Variants in EML6 observed in about 807,000 individuals in gnomAD.
The protein encoded by EML6 is EMAP like 6, also known as echinoderm microtubule-associated protein-like 6.
Under a neutral mutation model 240.1 loss-of-function variants are expected in EML6, and 154 were observed. The ratio of observed to expected loss-of-function variants is 0.64; its 90% CI spans 0.56 to 0.73. The LOEUF (loss-of-function observed/expected upper bound fraction) is 0.73, where lower values mean the gene tolerates loss of function less well. Ranked by LOEUF, EML6 falls within the 30% of genes least tolerant of loss-of-function variation. The probability of loss-of-function intolerance (pLI) is 0.00; values close to 1 mark genes in which losing one functional copy is unlikely to be tolerated. For synonymous variants in EML6, 1,148 were observed against 899.0 expected, an observed-to-expected ratio of 1.28 and a Z score of -4.95; for missense variants, 2,964 against 2,474.6, an observed-to-expected ratio of 1.20 and a Z score of -4.20.
intron 12 of EML6, among the ~76,000 whole-genome samples, chr2:54,862,949 A>G (rs1397257831): frequency 6.6e-6 from 1 of 152,228 alleles, no homozygotes; most frequent in African/African-American, 2.4e-5. Flanking sequence ...CTGCAGGGGA[A>G]CAGGGTAACC....
intron 32 of EML6, among the ~76,000 whole-genome samples, chr2:54,954,566 A>G (rs896768035): frequency 1.3e-5 from 2 of 152,170 alleles, no homozygotes; most frequent in Non-Finnish European, 2.9e-5. Flanking sequence ...ATTTTAGGAA[A>G]TGGGATCATG....
intron 2 of EML6, among the ~76,000 whole-genome samples, chr2:54,786,702 A>T (rs368827061): frequency 1.3e-5 from 2 of 152,244 alleles, no homozygotes; most frequent in African/African-American, 4.8e-5. Flanking sequence ...AATGGAGCAA[A>T]CAATTAGAAT....
intron 24 of EML6, among the ~76,000 whole-genome samples, 194 bp downstream of exon 24, chr2:54,903,696 C>G (rs966266314): frequency 6.6e-6 from 1 of 152,172 alleles, no homozygotes; most frequent in African/African-American, 2.4e-5. Flanking sequence ...CATCTTTTTA[C>G]GCTTAGGATG....
intron 2 of EML6, among the ~76,000 whole-genome samples, chr2:54,803,792 A>G (rs1275148188): frequency 1.3e-5 from 2 of 152,194 alleles, no homozygotes; most frequent in African/African-American, 4.8e-5. Context: ...TTTTGAAACA[A>G]TTGAAATTCT....
intron 12 of EML6, 111 bp downstream of exon 12, chr2:54,859,812 A>C: frequency 1.2e-6 from 1 of 822,570 alleles, no homozygotes; most frequent in Non-Finnish European, 1.8e-6. Context: ...TGGAAAATTG[A>C]TTCCTGTAAT....
Position 54,829,342 on chromosome 2 carries a change from G to A in EML6, c.712G>A (p.Ala238Thr). 1 of 1,551,404 alleles carries A rather than the reference G, an allele frequency of 6.4e-7. No homozygotes were observed. The highest frequency in any genetic ancestry group is 8.7e-7 in the Non-Finnish European group (1 of 1,146,786). The change falls in exon 7 of 42, where the codon GCT (alanine) becomes ACT (threonine). Residue 238 changes from alanine (A) to threonine (T), a missense_variant and splice_region_variant. Physicochemically the swap from Ala to Thr is moderately conservative, Grantham distance 58 (BLOSUM62 0). Coordinates refer to ENST00000356458, the MANE Select transcript of EML6 (RefSeq NM_001039753.4). ...LVRTIQGAHS[A>T]GIFSMYACEE... Reference sequence around the variant, plus strand: ...GAGTATTACCTGTTTTAATCAACAGGCTGGAATCTTTAGCATGTATGCTTG... The same window carrying A: ...GAGTATTACCTGTTTTAATCAACAGACTGGAATCTTTAGCATGTATGCTTG...
intron 2 of EML6, among the ~76,000 whole-genome samples, chr2:54,749,715 A>G (rs1684072507): frequency 6.6e-6 from 1 of 152,178 alleles, no homozygotes; most frequent in South Asian, 2.1e-4. Flanking sequence ...GGAGTATTTA[A>G]GTAATTTGCC....
chr2:54,933,310 T>A (rs1387167167), intron 28 of EML6, among the ~76,000 whole-genome samples: 2 of 152,186 alleles, frequency 1.3e-5, no homozygotes, highest in Non-Finnish European at 2.9e-5. Flanking sequence ...AGACTAGCAA[T>A]GTAATCACTT....
At chr2:54,931,009 G>C (rs1460382997) in intron 28 of EML6, among the ~76,000 whole-genome samples, 2 of 144,066 alleles carry the variant, frequency 1.4e-5, no homozygotes, top group East Asian at 2.0e-4. Flanking sequence ...CCAGGCTGGA[G>C]TGCAGTGGCG....
At chr2:54,876,530 G>C (rs1288608467) in intron 16 of EML6, among the ~76,000 whole-genome samples, 2 of 152,106 alleles carry the variant, frequency 1.3e-5, no homozygotes, top group African/African-American at 4.8e-5. Flanking sequence ...TTATCCTTAG[G>C]CCTTCTTCAG....
At chr2:54,827,314 A>G (rs1049837417) in intron 5 of EML6, among the ~76,000 whole-genome samples, 2 of 152,232 alleles carry the variant, frequency 1.3e-5, no homozygotes, top group Non-Finnish European at 2.9e-5. Context: ...CCATTAAACA[A>G]TGAGCAAAGC....
intron 11 of EML6, among the ~76,000 whole-genome samples, chr2:54,854,656 CAG>C (rs1670275215): frequency 6.6e-6 from 1 of 152,182 alleles, no homozygotes; most frequent in African/African-American, 2.4e-5. Flanking sequence ...AAAATGCAAT[CAG>C]AAAGTCATTT....
chr2:54,876,601 T>C (rs1671519827), intron 16 of EML6, among the ~76,000 whole-genome samples: 1 of 152,210 alleles, frequency 6.6e-6, no homozygotes, highest in Admixed American at 6.5e-5. Context: ...AGAACATAAC[T>C]ACACAGATTT....
intron 26 of EML6, among the ~76,000 whole-genome samples, chr2:54,925,959 A>T (rs1026990955): frequency 1.3e-5 from 2 of 152,218 alleles, no homozygotes; most frequent in African/African-American, 4.8e-5. Context: ...CTGGAGGATG[A>T]TTCTTCAGAG....
At chr2:54,891,429 A>G (rs892231154) in intron 18 of EML6, among the ~76,000 whole-genome samples, 1 of 152,208 alleles carries the variant, frequency 6.6e-6, no homozygotes, top group Non-Finnish European at 1.5e-5. Flanking sequence ...TGAAAGCAGT[A>G]ATTATGTTAG....
Position 54,970,138 on chromosome 2 carries a change from C to T in EML6, c.*43C>T. ...ATGTTATTGCTGCTGCTGCTACCAG[C>T]CAGCAACTGCAGAGGCCATGCTGAG... On this transcript the variant is annotated 3_prime_UTR_variant, in exon 42 of 42. Transcript: ENST00000356458. 6.5e-7 allele frequency: 1 copy of T among 1,546,268 alleles called. No individual in the cohort carries two copies. The highest frequency in any genetic ancestry group is 8.8e-7 in the Non-Finnish European group (1 of 1,142,108).
chr2:54,903,216 C>A lies in EML6; in HGVS notation c.3277+20C>A. The A allele has an allele frequency of 1.3e-6, 2 of 1,548,986 alleles. No homozygotes were observed. The highest frequency in any genetic ancestry group is 1.7e-6 in the Non-Finnish European group (2 of 1,145,038). The stretch of plus-strand genomic sequence containing the variant: ...CAAAAGGTGAAGATGACAGCAGATA[C>A]TTTTTAAAATAGCACAGTCTTGGGA... On this transcript the variant is annotated intron_variant, in intron 23 of 41. Transcript: ENST00000356458.
rs1423614239 is a variant in EML6 at position 54,725,937 on chromosome 2, G to A, written c.197+679G>A. Among the ~76,000 whole-genome samples, 1 of 151,918 alleles carries A rather than the reference G, an allele frequency of 6.6e-6. No homozygotes were observed. The highest frequency in any genetic ancestry group is 1.5e-5 in the Non-Finnish European group (1 of 67,936). On this transcript the variant is annotated intron_variant, in intron 2 of 41. Transcript: ENST00000356458. The surrounding 1 kb of genome is among the most constrained non-coding windows in gnomAD (Gnocchi z 4.3). The stretch of plus-strand genomic sequence containing the variant: ...CAATGACCAACATCTGCTAGCGGAT[G>A]GCCCAAGACTGACTGACAGGAGAGC...
chr2:54,927,371 G>A (rs1009720318), intron 26 of EML6, among the ~76,000 whole-genome samples: 10 of 152,150 alleles, frequency 6.6e-5, no homozygotes, highest in Non-Finnish European at 1.5e-4. Flanking sequence ...AACCCTCTGG[G>A]AGCCACTTGT....
Sources: gnomAD v4.1 joint callset for allele counts (sites outside exome capture counted in the v4.1 genomes callset) on GRCh38, gnomAD v4.1.1 for gene constraint, Gnocchi (gnomAD v3.1) non-coding constraint, MANE v1.5 for transcripts, NCBI Gene and HGNC (gene_info 2026-07-23, HGNC 2026-07-21) for gene names.